SPATA17: variants seen among roughly 807,000 people sequenced by gnomAD.
The protein encoded by SPATA17 is spermatogenesis-associated protein 17.
In SPATA17, 53 loss-of-function variants were observed where a neutral mutation model predicts 62.2. The ratio of observed to expected loss-of-function variants is 0.85; its 90% CI spans 0.68 to 1.07. The LOEUF (loss-of-function observed/expected upper bound fraction) is 1.07. SPATA17 is among the 50% of genes least tolerant of loss of function. SPATA17 has a pLI of 0.00. For missense variants in SPATA17, 466 were observed against 425.5 expected, an observed-to-expected ratio of 1.10 and a Z score of -0.84; for synonymous variants, 146 against 146.8, an observed-to-expected ratio of 0.99 and a Z score of 0.04.
At chr1:217,855,653 T>C (rs992436736) in intron 9 of SPATA17, among the ~76,000 whole-genome samples, 1 of 151,850 alleles carries the variant, frequency 6.6e-6, no homozygotes, top group African/African-American at 2.4e-5. Context: ...ATGTCTGTCA[T>C]GTGGGCCTGT....
chr1:217,839,581 A>T (rs908325837), intron 9 of SPATA17, among the ~76,000 whole-genome samples: 1 of 152,114 alleles, frequency 6.6e-6, no homozygotes, highest in Non-Finnish European at 1.5e-5. Context: ...GTTTATAAAA[A>T]ATATTTATTA....
intron 3 of SPATA17, among the ~76,000 whole-genome samples, chr1:217,666,200 T>C (rs1224022683): frequency 6.6e-6 from 1 of 152,204 alleles, no homozygotes; most frequent in East Asian, 1.9e-4. Flanking sequence ...TAAATAAGAA[T>C]TTTGTCTGCT....
chr1:217,855,369 A>T (rs972594194), intron 9 of SPATA17, among the ~76,000 whole-genome samples: 2 of 152,224 alleles, frequency 1.3e-5, no homozygotes, highest in African/African-American at 4.8e-5. Context: ...GCTACAGATC[A>T]TTCTAACTAA....
intron 10 of SPATA17, chr1:217,866,802 TTAAA>T (rs544814748): frequency 9.0e-4 from 137 of 151,766 alleles, no homozygotes; most frequent in African/African-American, 3.2e-3. Context: ...AGAGGAAGAC[TTAAA>T]TAGAGAATTT....
chr1:217,704,529 C>T (rs920805793), intron 5 of SPATA17, among the ~76,000 whole-genome samples: 1 of 151,782 alleles, frequency 6.6e-6, no homozygotes, highest in Non-Finnish European at 1.5e-5. Flanking sequence ...GGATTACAGG[C>T]GTGAGCCACC....
At chr1:217,659,711 A>G (rs1028435692) in intron 3 of SPATA17, among the ~76,000 whole-genome samples, 4 of 152,170 alleles carry the variant, frequency 2.6e-5, no homozygotes, top group East Asian at 1.9e-4. Context: ...GGCTCGTCCT[A>G]TATTTCTTTT....
intron 8 of SPATA17, among the ~76,000 whole-genome samples, chr1:217,787,094 C>T (rs1673890324): frequency 2.0e-5 from 3 of 152,006 alleles, no homozygotes; most frequent in African/African-American, 4.8e-5. Context: ...TCCTATGAGT[C>T]CTCAAGTCCT....
In SPATA17 at chr1:217,683,088, T is replaced by A. The variant is rs1057163838; in HGVS notation, c.292-170T>A. On this transcript the variant is annotated intron_variant, in intron 4 of 10. Coordinates refer to ENST00000366933, the MANE Select transcript of SPATA17 (RefSeq NM_138796.4). ...TATTTTTATAATATTTCATAAAAAA[T>A]TTATGAGCAGAACCTATATTTACAA... Among the ~76,000 whole-genome samples the A allele has an allele frequency of 5.9e-5, 9 of 151,910 alleles. No individual in the cohort carries two copies. The South Asian group carries it at 1.7e-3, about 28-fold the overall frequency.
intron 5 of SPATA17, among the ~76,000 whole-genome samples, chr1:217,732,003 C>T (rs1672411443): frequency 6.6e-6 from 1 of 151,826 alleles, no homozygotes; most frequent in African/African-American, 2.4e-5. Flanking sequence ...CAGCTTTTTC[C>T]ATTTCCTTTC....
intron 5 of SPATA17, among the ~76,000 whole-genome samples, chr1:217,689,221 CTT>C (rs200885875): frequency 1.9e-5 from 2 of 102,592 alleles, no homozygotes; most frequent in East Asian, 3.3e-4. Context: ...TTTATTATGT[CTT>C]TTTTTTTTTT....
At chr1:217,637,552 C>G (rs1436330790) in intron 1 of SPATA17, among the ~76,000 whole-genome samples, 1 of 152,152 alleles carries the variant, frequency 6.6e-6, no homozygotes, top group Non-Finnish European at 1.5e-5. Context: ...GTCCTGATTT[C>G]AGGATCTATT....
intron 10 of SPATA17, among the ~76,000 whole-genome samples, chr1:217,863,506 A>C (rs949508068): frequency 6.6e-6 from 1 of 152,190 alleles, no homozygotes; most frequent in Non-Finnish European, 1.5e-5. Context: ...CTCCAAAGCC[A>C]AAATACTTCT....
At chr1:217,768,028 C>T (rs571962330) in intron 6 of SPATA17, among the ~76,000 whole-genome samples, 18 of 152,088 alleles carry the variant, frequency 1.2e-4, no homozygotes, top group Admixed American at 9.8e-4. Context: ...AGGCAGATCA[C>T]GAGGTCAGGA....
Position 217,868,828 on chromosome 1 carries a change from G to A in SPATA17, c.*1809G>A, listed in dbSNP as rs1676073277. On this transcript the variant is annotated 3_prime_UTR_variant, in exon 11 of 11. Coordinates refer to ENST00000366933, the MANE Select transcript of SPATA17 (RefSeq NM_138796.4). ...CCAAGTAGCTGGGACCACAGGCATG[G>A]GCCAACAAGCCTGGCTAAATATTTT... 6.6e-6 allele frequency: 1 copy of A among 151,806 alleles called. No individual in the cohort carries two copies. Among genetic ancestry groups the A allele is most frequent in the Non-Finnish European group, 1.5e-5 (1 of 68,014 alleles). The allele number at this position is 151,806 out of a possible 1,614,324, so 9.4% of individuals were successfully genotyped here.
chr1:217,793,879 G>A (rs1412589806), intron 8 of SPATA17, among the ~76,000 whole-genome samples: 1 of 151,972 alleles, frequency 6.6e-6, no homozygotes, highest in Non-Finnish European at 1.5e-5. Flanking sequence ...ACTTTGGAAG[G>A]CCGCGGTTGG....
intron 9 of SPATA17, chr1:217,850,715 C>T: frequency 9.5e-7 from 1 of 1,052,178 alleles, no homozygotes; most frequent in Admixed American, 2.3e-5. Context: ...GCTCACCCGA[C>T]AAAGCCATTC....
intron 7 of SPATA17, among the ~76,000 whole-genome samples, chr1:217,776,245 T>C (rs1405876864): frequency 6.6e-6 from 1 of 152,104 alleles, no homozygotes; most frequent in African/African-American, 2.4e-5. Flanking sequence ...GTCACCATCC[T>C]AAAAGTCCCG....
chr1:217,829,569 A>T (rs186888784), intron 9 of SPATA17, among the ~76,000 whole-genome samples: 6 of 131,318 alleles, frequency 4.6e-5, no homozygotes, highest in Admixed American at 2.7e-4. Flanking sequence ...TGGAGGTTGC[A>T]GTGAGCCGAG....
At chr1:217,739,506 A>G (rs1408634200) in intron 5 of SPATA17, 1 of 152,156 alleles carries the variant, frequency 6.6e-6, no homozygotes, top group Non-Finnish European at 1.5e-5. Context: ...GAGAAAATAC[A>G]TCTGAAATGT....
Sources: gnomAD v4.1 joint callset for allele counts (sites outside exome capture counted in the v4.1 genomes callset) on GRCh38, gnomAD v4.1.1 for gene constraint, MANE v1.5 for transcripts, NCBI Gene and HGNC (gene_info 2026-07-23, HGNC 2026-07-21) for gene names.